The following PRICKLE1 variants were observed in gnomAD, a reference collection of about 807,000 sequenced individuals.
The protein encoded by PRICKLE1 is prickle-like protein 1.
In PRICKLE1, 14 loss-of-function variants were observed where a neutral mutation model predicts 70.2. That is an observed-to-expected ratio of 0.20 (90% CI 0.13 to 0.31). PRICKLE1 has a LOEUF of 0.31. Among genes scored for constraint, PRICKLE1 ranks in the 10% least tolerant of loss-of-function variants. The probability of loss-of-function intolerance (pLI) is 1.00; values close to 1 mark genes in which losing one functional copy is unlikely to be tolerated. For missense variants in PRICKLE1, 821 were observed against 1,026.2 expected, an observed-to-expected ratio of 0.80 and a Z score of 2.73; for synonymous variants, 357 against 379.9, an observed-to-expected ratio of 0.94 and a Z score of 0.70.
chr12:42,501,524 A>G (rs1258807363), intron 1 of PRICKLE1, among the ~76,000 whole-genome samples: 4 of 129,260 alleles, frequency 3.1e-5, no homozygotes, highest in African/African-American at 3.3e-5. Context: ...AAAAAAAAAA[A>G]AAAAAAGAAA....
chr12:42,539,935 G>A (rs1940080719), intron 1 of PRICKLE1, among the ~76,000 whole-genome samples: 1 of 152,138 alleles, frequency 6.6e-6, no homozygotes, highest in Non-Finnish European at 1.5e-5. Context: ...CTAATGTCCT[G>A]GAGAATACTT....
At chr12:42,564,848 C>T (rs1376247177) in intron 1 of PRICKLE1, among the ~76,000 whole-genome samples, 1 of 152,112 alleles carries the variant, frequency 6.6e-6, no homozygotes, top group Non-Finnish European at 1.5e-5. Context: ...AGATGTAGAG[C>T]TCAACACCAC....
intron 1 of PRICKLE1, among the ~76,000 whole-genome samples, chr12:42,531,325 C>T (rs879073356): frequency 1.3e-5 from 2 of 152,126 alleles, no homozygotes; most frequent in Admixed American, 6.5e-5. Flanking sequence ...GGATTACAGG[C>T]GTGAGCCACC....
At chr12:42,501,828 T>C (rs1403903674) in intron 1 of PRICKLE1, among the ~76,000 whole-genome samples, 1 of 152,214 alleles carries the variant, frequency 6.6e-6, no homozygotes, top group Non-Finnish European at 1.5e-5. Flanking sequence ...ATGCTGATGC[T>C]ATATAAATAA....
At chr12:42,502,583 T>C (rs1939335593) in intron 1 of PRICKLE1, among the ~76,000 whole-genome samples, 1 of 152,110 alleles carries the variant, frequency 6.6e-6, no homozygotes, top group Non-Finnish European at 1.5e-5. Flanking sequence ...AGTGTTGGGG[T>C]TACAAGCATG....
rs11181550 is a variant in PRICKLE1, at chr12:42,553,240, A to C, written c.-49+36225T>G. On this transcript the variant is annotated intron_variant, in intron 1 of 7. Coordinates refer to ENST00000345127, the MANE Select transcript of PRICKLE1 (RefSeq NM_153026.3). The stretch of plus-strand genomic sequence containing the variant: ...GGCGGATCACCTGAGGTTAGGAGAT[A>C]GAGACCATCCTGGCTAACACGGTGA... Among the ~76,000 whole-genome samples the C allele has an allele frequency of 9.3e-3, 1,415 of 152,092 alleles. 22 individuals are homozygous for C. Among genetic ancestry groups the C allele is most frequent in the African/African-American group, 0.032 (1,311 of 41,502 alleles).
intron 1 of PRICKLE1, among the ~76,000 whole-genome samples, chr12:42,587,944 TTTG>T (rs892065082): frequency 2.6e-4 from 40 of 152,212 alleles, no homozygotes; most frequent in Admixed American, 5.9e-4. Context: ...GGGATTTTTT[TTTG>T]TTTTTTTTTT....
intron 1 of PRICKLE1, among the ~76,000 whole-genome samples, chr12:42,565,970 T>C (rs1940614870): frequency 6.6e-6 from 1 of 152,198 alleles, no homozygotes; most frequent in South Asian, 2.1e-4. Flanking sequence ...AACATGTGAT[T>C]GTACCCTGCA....
At chr12:42,537,772 C>A (rs1177975100) in intron 1 of PRICKLE1, among the ~76,000 whole-genome samples, 2 of 152,210 alleles carry the variant, frequency 1.3e-5, no homozygotes, top group Non-Finnish European at 2.9e-5. Context: ...TTATCCCTTC[C>A]TGTGCTTTGG....
intron 1 of PRICKLE1, among the ~76,000 whole-genome samples, chr12:42,515,396 C>T (rs779225506): frequency 3.3e-5 from 5 of 152,086 alleles, no homozygotes; most frequent in Non-Finnish European, 5.9e-5. Context: ...TCTGCCACCA[C>T]GCCCGACTAA....
chr12:42,489,872 G>C (rs777338380), intron 1 of PRICKLE1: 1 of 152,152 alleles, frequency 6.6e-6, no homozygotes, highest in East Asian at 1.9e-4. Context: ...GACAGGGGCT[G>C]TCTGATCCCT....
intron 1 of PRICKLE1, among the ~76,000 whole-genome samples, chr12:42,549,182 A>G (rs898845306): frequency 1.3e-5 from 2 of 151,282 alleles, no homozygotes; most frequent in African/African-American, 4.9e-5. Context: ...GAAAGCTAGG[A>G]AAAAAACCAT....
intron 1 of PRICKLE1, among the ~76,000 whole-genome samples, chr12:42,553,817 C>CA (rs1215109757): frequency 1.3e-5 from 2 of 152,076 alleles, no homozygotes; most frequent in East Asian, 3.9e-4. Flanking sequence ...AAACTGGAGA[C>CA]AAATGCCGGG....
At chr12:42,470,438 T>C (rs1222967787) in intron 2 of PRICKLE1, 79 bp from the exon 3 acceptor site, 9 of 1,001,510 alleles carry the variant, frequency 9.0e-6, no homozygotes. Context: ...AAGTTACCTT[T>C]CCCTAGGTAC....
At chr12:42,486,203 A>G (rs1236600123) in intron 1 of PRICKLE1, among the ~76,000 whole-genome samples, 1 of 152,176 alleles carries the variant, frequency 6.6e-6, no homozygotes, top group Non-Finnish European at 1.5e-5. Context: ...TAACTAAAAT[A>G]TCACCCTCCC....
intron 1 of PRICKLE1, among the ~76,000 whole-genome samples, chr12:42,535,489 C>CA (rs570523510): frequency 4.5e-4 from 69 of 152,210 alleles, no homozygotes; most frequent in African/African-American, 1.7e-3. Flanking sequence ...CAGTGTTAGC[C>CA]AAAATAGCAG....
At chr12:42,586,275 C>G (rs952536492) in intron 1 of PRICKLE1, among the ~76,000 whole-genome samples, 7 of 152,124 alleles carry the variant, frequency 4.6e-5, no homozygotes, top group African/African-American at 1.7e-4. Context: ...TTTTACATAA[C>G]ATGGAGATGA....
chr12:42,472,569 G>A lies in PRICKLE1; in HGVS notation c.-48-5C>T, dbSNP rs967518220. 6.8e-6 allele frequency: 11 copies of A among 1,611,110 alleles called. No homozygotes were observed. The highest frequency in any genetic ancestry group is 1.7e-5 in the Admixed American group (1 of 59,978). ...CAGGACATCAAACAATGGCTGCTGT[G>A]AACAATATAAGAAAAAACAAAGACA... On this transcript the variant is annotated splice_region_variant and splice_polypyrimidine_tract_variant and intron_variant, in intron 1 of 7. Transcript: ENST00000345127.
At chr12:42,585,809 A>G (rs1176159445) in intron 1 of PRICKLE1, among the ~76,000 whole-genome samples, 1 of 152,148 alleles carries the variant, frequency 6.6e-6, no homozygotes, top group Non-Finnish European at 1.5e-5. Flanking sequence ...GACCATAAAC[A>G]AGGGGATGTG....
Sources: gnomAD v4.1 joint callset for allele counts (sites outside exome capture counted in the v4.1 genomes callset) on GRCh38, gnomAD v4.1.1 for gene constraint, MANE v1.5 for transcripts, NCBI Gene and HGNC (gene_info 2026-07-23, HGNC 2026-07-21) for gene names.